The following UGT1A7 variants were observed in gnomAD, a reference collection of about 807,000 sequenced individuals.
UGT1A7 encodes UDP glucuronosyltransferase family 1 member A7.
A neutral mutation model predicts 45.6 loss-of-function variants in UGT1A7; 33 were observed. The ratio of observed to expected loss-of-function variants is 0.72; its 90% CI spans 0.55 to 0.97. UGT1A7 has a LOEUF of 0.97. UGT1A7 is among the 50% of genes least tolerant of loss of function. The pLI, the probability that UGT1A7 is intolerant of heterozygous loss-of-function variation, is 0.00. For missense variants in UGT1A7, 684 were observed against 666.2 expected, an observed-to-expected ratio of 1.03 and a Z score of -0.29; for synonymous variants, 274 against 250.6, an observed-to-expected ratio of 1.09 and a Z score of -0.88.
Position 233,719,442 on chromosome 2 carries a change from C to A in UGT1A7, c.855+36650C>A, listed in dbSNP as rs1309137091. Reference sequence around the variant, plus strand: ...GACCAATTCAGACCACATGACATTCCTGCAAAGGGTCAAGAACATGCTCTA... The same window carrying A: ...GACCAATTCAGACCACATGACATTCATGCAAAGGGTCAAGAACATGCTCTA... On this transcript the variant is annotated intron_variant, in intron 1 of 4. Coordinates refer to ENST00000373426, the MANE Select transcript of UGT1A7 (RefSeq NM_019077.3). The A allele has an allele frequency of 1.5e-5, 25 of 1,613,838 alleles. No individual in the cohort carries two copies. The East Asian group carries it at 1.6e-4, about 10-fold the overall frequency.
intron 1 of UGT1A7, among the ~76,000 whole-genome samples, chr2:233,683,446 T>A (rs1396972347): frequency 6.6e-6 from 1 of 152,140 alleles, no homozygotes; most frequent in Non-Finnish European, 1.5e-5. Context: ...AGAATTCTTG[T>A]ATACTTTCTT....
rs563235726 is a variant in UGT1A7 at position 233,693,521 on chromosome 2, G to A, written c.855+10729G>A. The stretch of plus-strand genomic sequence containing the variant: ...CCTACCATCTGTGTACCTCTTCAGG[G>A]GTTTTCCGTGTTCCCTGGAGCATAC... On this transcript the variant is annotated intron_variant, in intron 1 of 4. Transcript: ENST00000373426. The A allele has an allele frequency of 6.2e-7, 1 of 1,614,156 alleles. No homozygotes were observed. The highest frequency in any genetic ancestry group is 1.3e-5 in the African/African-American group (1 of 75,016).
rs2074599718 is a variant in UGT1A7 at position 233,682,789 on chromosome 2, T to C, written c.852T>C (p.Pro284=). Residue 284 remains proline (P), a synonymous_variant, in exon 1 of 5, where the codon CCT becomes CCC. Coordinates refer to ENST00000373426, the MANE Select transcript of UGT1A7 (RefSeq NM_019077.3). ...ACTGTCATCAGGGAAAGCCAGTGCC[T>C]ATGGTAAGTTATCTCCCCTTTAGCA... ...GINCHQGKPV[P]MEFEAYINAS... is the part of the protein sequence containing the mutation. 1 of 1,611,570 alleles carries C rather than the reference T, an allele frequency of 6.2e-7. No individual in the cohort carries two copies. Among genetic ancestry groups the C allele is most frequent in the Non-Finnish European group, 8.5e-7 (1 of 1,178,122 alleles).
chr2:233,731,991 A>G (rs989443870), intron 1 of UGT1A7, among the ~76,000 whole-genome samples: 3 of 152,160 alleles, frequency 2.0e-5, no homozygotes, highest in Non-Finnish European at 2.9e-5. Context: ...CTGGCGTGAG[A>G]TGGTATCTCA....
intron 1 of UGT1A7, chr2:233,690,774 CAT>C (rs1286263819): frequency 5.4e-5 from 57 of 1,062,312 alleles, no homozygotes; most frequent in East Asian, 1.3e-4. Context: ...CACACACACA[CAT>C]ACACACACAC....
At chr2:233,756,599 C>A (rs1235444943) in intron 1 of UGT1A7, among the ~76,000 whole-genome samples, 2 of 152,080 alleles carry the variant, frequency 1.3e-5, no homozygotes, top group Non-Finnish European at 2.9e-5. Flanking sequence ...TTTACTGTAT[C>A]GAAACCATTA....
chr2:233,689,996 C>A, intron 1 of UGT1A7: 1 of 450,728 alleles, frequency 2.2e-6, no homozygotes, highest in Non-Finnish European at 4.4e-6. Flanking sequence ...GGGATTCTCA[C>A]TTCATCTCAC....
chr2:233,725,276 A>AGAGGAGGCAGAGGCAGAG (rs1178808521), intron 1 of UGT1A7, among the ~76,000 whole-genome samples: 1 of 47,620 alleles, frequency 2.1e-5, no homozygotes, highest in Non-Finnish European at 4.2e-5. Flanking sequence ...AGGCAGAGGC[A>AGAGGAGGCAGAGGCAGAG]GAGGCAGAGG....
chr2:233,743,988 C>T (rs893316227), intron 1 of UGT1A7: 14 of 1,273,410 alleles, frequency 1.1e-5, no homozygotes, highest in Middle Eastern at 2.4e-4. Flanking sequence ...CAGGCGCAGG[C>T]CCGAGTGCTC....
In UGT1A7 at chr2:233,724,313, C is replaced by T. The variant is rs1238022468; in HGVS notation, c.855+41521C>T. ...CTGACCCCCCCACCTCCCTCCCGGA[C>T]GGGGCGGCTGGCCAGGCGGGGGGCT... On this transcript the variant is annotated intron_variant, in intron 1 of 4. Coordinates refer to ENST00000373426, the MANE Select transcript of UGT1A7 (RefSeq NM_019077.3). Among the ~76,000 whole-genome samples the T allele has an allele frequency of 7.3e-4, 99 of 136,280 alleles. No homozygotes were observed. In the Middle Eastern group the frequency reaches 0.011, roughly 16 times the overall value. 89.4% of individuals were successfully genotyped at this position (136,280 alleles called of 152,430 possible).
intron 1 of UGT1A7, chr2:233,693,473 G>T: frequency 6.2e-7 from 1 of 1,614,174 alleles, no homozygotes; most frequent in Non-Finnish European, 8.5e-7. Flanking sequence ...ACCCTGTGGG[G>T]TGATCCTGGC....
intron 1 of UGT1A7, among the ~76,000 whole-genome samples, chr2:233,709,702 T>A (rs2125616518): frequency 6.6e-6 from 1 of 152,356 alleles, no homozygotes; most frequent in East Asian, 1.9e-4. Context: ...AATTTTGTTC[T>A]TTTTTAATTG....
Position 233,713,133 on chromosome 2 carries a change from T to G in UGT1A7, c.855+30341T>G, listed in dbSNP as rs775185611. On this transcript the variant is annotated intron_variant, in intron 1 of 4. Coordinates refer to ENST00000373426, the MANE Select transcript of UGT1A7 (RefSeq NM_019077.3). ...CCACTGGCTCAGCATGCGGGAGGCCTTGCGGGACCTCCATGCGAGAGGCCA... is the reference window on the plus strand; with the variant it reads ...CCACTGGCTCAGCATGCGGGAGGCCGTGCGGGACCTCCATGCGAGAGGCCA... 1.1e-5 allele frequency: 17 copies of G among 1,614,082 alleles called. No individual in the cohort carries two copies. In the South Asian group the frequency reaches 1.3e-4, roughly 13 times the overall value.
chr2:233,717,151 C>T (rs1484349429), intron 1 of UGT1A7, among the ~76,000 whole-genome samples: 2 of 152,200 alleles, frequency 1.3e-5, no homozygotes, highest in Non-Finnish European at 2.9e-5. Flanking sequence ...GGAAATAGAA[C>T]ATGGGAGCCC....
Position 233,773,005 on chromosome 2 carries a change from C to A in UGT1A7, c.*446C>A. ...GTCAGTCCTCATCTCTGTCGTGCTT[C>A]ATAGGTGCCACCTTGTGTGTTTAAA... On this transcript the variant is annotated 3_prime_UTR_variant, in exon 5 of 5. Transcript: ENST00000373426. 4.6e-6 allele frequency: 1 copy of A among 219,060 alleles called. No individual in the cohort carries two copies. 13.6% of individuals were successfully genotyped at this position (219,060 alleles called of 1,614,324 possible).
At chr2:233,712,115 T>G (rs1346814908) in intron 1 of UGT1A7, among the ~76,000 whole-genome samples, 1 of 152,228 alleles carries the variant, frequency 6.6e-6, no homozygotes, top group Non-Finnish European at 1.5e-5. Flanking sequence ...CTAAGCAGAC[T>G]TGCAGAAGAC....
At chr2:233,716,548 A>G (rs17864696) in intron 1 of UGT1A7, among the ~76,000 whole-genome samples, 1 of 152,142 alleles carries the variant, frequency 6.6e-6, no homozygotes, top group African/African-American at 2.4e-5. Context: ...CTCTCCTTAT[A>G]TTCCTTTTTT....
intron 1 of UGT1A7, chr2:233,743,219 T>A (rs1133491): frequency 5.8e-5 from 24 of 411,238 alleles, no homozygotes; most frequent in Middle Eastern, 7.1e-4. Flanking sequence ...TAACTGCTCT[T>A]TGCTATTTAT....
intron 1 of UGT1A7, chr2:233,747,938 G>A (rs1693816643): frequency 2.5e-6 from 4 of 1,613,450 alleles, no homozygotes; most frequent in Non-Finnish European, 3.4e-6. Context: ...TTCAGAGGGA[G>A]GTGTCAGTGG....
Sources: gnomAD v4.1 joint callset for allele counts (sites outside exome capture counted in the v4.1 genomes callset) on GRCh38, gnomAD v4.1.1 for gene constraint, MANE v1.5 for transcripts, NCBI Gene and HGNC (gene_info 2026-07-23, HGNC 2026-07-21) for gene names.